The following HECA variants were observed in gnomAD, a reference collection of about 807,000 sequenced individuals.
The protein encoded by HECA is HECA ribonucleoprotein granule regulator.
In HECA, 13 loss-of-function variants were observed where a neutral mutation model predicts 37.6. That is an observed-to-expected ratio of 0.35 (90% CI 0.23 to 0.55). The LOEUF is 0.55. HECA is among the 20% of genes least tolerant of loss of function. HECA has a pLI of 0.90. For synonymous variants in HECA, 307 were observed against 291.5 expected, an observed-to-expected ratio of 1.05 and a Z score of -0.54; for missense variants, 527 against 701.9, an observed-to-expected ratio of 0.75 and a Z score of 2.82.
chr6:139,161,043 G>GGT (rs371379913), intron 1 of HECA, among the ~76,000 whole-genome samples: 2 of 151,868 alleles, frequency 1.3e-5, no homozygotes, highest in Non-Finnish European at 2.9e-5. Context: ...GTGTGTGTGT[G>GGT]GTGTGTGTGT....
chr6:139,142,396 T>C (rs1392153485), intron 1 of HECA, among the ~76,000 whole-genome samples: 1 of 152,210 alleles, frequency 6.6e-6, no homozygotes, highest in Non-Finnish European at 1.5e-5. Flanking sequence ...TCGTGACTTT[T>C]AATACATGCT....
chr6:139,177,191 A>G lies in HECA; in HGVS notation c.*86A>G. 3.0e-6 allele frequency: 2 copies of G among 656,880 alleles called. No homozygotes were observed. The highest frequency in any genetic ancestry group is 1.8e-5 in the African/African-American group (1 of 55,676). The allele number at this position is 656,880 out of a possible 1,614,324, so 40.7% of individuals were successfully genotyped here. On this transcript the variant is annotated 3_prime_UTR_variant, in exon 4 of 4. Transcript: ENST00000367658. The surrounding 1 kb of genome is among the most constrained non-coding windows in gnomAD (Gnocchi z 4.9). ...TATAGGGAAACATTCTGTGACATTA[A>G]TTTCCTTTCTAATTTAAAGGAGAGT... is the stretch of plus-strand genomic sequence containing the variant.
chr6:139,147,906 G>C (rs1298605899), intron 1 of HECA, among the ~76,000 whole-genome samples: 1 of 152,156 alleles, frequency 6.6e-6, no homozygotes, highest in Non-Finnish European at 1.5e-5. Context: ...TCCTACAGAC[G>C]AGGTTTGCCA....
chr6:139,141,082 G>A (rs112729786), intron 1 of HECA, among the ~76,000 whole-genome samples: 1 of 152,064 alleles, frequency 6.6e-6, no homozygotes, highest in South Asian at 2.1e-4. Flanking sequence ...GAGCCAGCGC[G>A]CCCGGCCCTC....
In HECA at chr6:139,178,202, C is replaced by T. The variant is rs1398828241; in HGVS notation, c.*1097C>T. On this transcript the variant is annotated 3_prime_UTR_variant, in exon 4 of 4. Transcript: ENST00000367658. ...ATAGCAGTATGTTTGAAAAATAGAC[C>T]ATTCTAAAAAGCCCATGATACCTTA... 6.6e-6 allele frequency: 1 copy of T among 152,010 alleles called. No individual in the cohort carries two copies. The highest frequency in any genetic ancestry group is 2.4e-5 in the African/African-American group (1 of 41,384). 9.4% of individuals were successfully genotyped at this position (152,010 alleles called of 1,614,324 possible).
intron 1 of HECA, among the ~76,000 whole-genome samples, chr6:139,138,548 T>C (rs764915441): frequency 1.3e-5 from 2 of 152,234 alleles, no homozygotes; most frequent in Non-Finnish European, 2.9e-5. Context: ...TTGTGTCTTG[T>C]AGCTCTTGGG....
At chr6:139,156,236 C>G (rs560111427) in intron 1 of HECA, among the ~76,000 whole-genome samples, 11 of 152,006 alleles carry the variant, frequency 7.2e-5, no homozygotes, top group Non-Finnish European at 1.6e-4. Flanking sequence ...GGGTCTGGCT[C>G]TGTCACACAG....
chr6:139,160,031 C>G (rs3777675), intron 1 of HECA, among the ~76,000 whole-genome samples: 128,121 of 152,216 alleles, frequency 0.84, 54,615 homozygotes, highest in African/African-American at 0.92. Flanking sequence ...ACAGAGTTCT[C>G]AAGTGAGGGC....
At chr6:139,156,858 C>T (rs932324760) in intron 1 of HECA, among the ~76,000 whole-genome samples, 1 of 152,156 alleles carries the variant, frequency 6.6e-6, no homozygotes, top group Admixed American at 6.5e-5. Context: ...GTTACCCATG[C>T]TAGGGAAAGA....
At chr6:139,155,987 C>T (rs1162200730) in intron 1 of HECA, among the ~76,000 whole-genome samples, 1 of 151,966 alleles carries the variant, frequency 6.6e-6, no homozygotes, top group Admixed American at 6.6e-5. Context: ...TGCTTTCTTA[C>T]CCAGTGGCAC....
rs1200712634 is a variant in HECA at position 139,176,693 on chromosome 6, C to A, written c.1468-248C>A. On this transcript the variant is annotated intron_variant, in intron 3 of 3. Transcript: ENST00000367658. The surrounding 1 kb of genome is among the most constrained non-coding windows in gnomAD (Gnocchi z 4.5). ...GGGGTTTCTTATTGTTAGGGAACTT[C>A]AGTGGAGAGCATTTAGGCAGTAGTA... 2.0e-5 allele frequency among the ~76,000 whole-genome samples: 3 copies of A among 152,122 alleles called. No homozygotes were observed. The highest frequency in any genetic ancestry group is 4.4e-5 in the Non-Finnish European group (3 of 68,030).
chr6:139,149,387 G>A (rs1363866609), intron 1 of HECA, among the ~76,000 whole-genome samples: 1 of 152,198 alleles, frequency 6.6e-6, no homozygotes, highest in Non-Finnish European at 1.5e-5. Context: ...TTTGTGACGA[G>A]CTCTTTTTCA....
At chr6:139,173,159 A>G (rs1220733951) in intron 2 of HECA, among the ~76,000 whole-genome samples, 1 of 152,136 alleles carries the variant, frequency 6.6e-6, no homozygotes, top group Non-Finnish European at 1.5e-5. Flanking sequence ...TTTTATTTTC[A>G]ATGCCGTAGA....
rs1314737012 is a variant in HECA at position 139,135,251 on chromosome 6, G to A, written c.-146G>A. 1.7e-6 allele frequency: 1 copy of A among 597,938 alleles called. No homozygotes were observed. Among genetic ancestry groups the A allele is most frequent in the Non-Finnish European group, 2.2e-6 (1 of 452,312 alleles). 37.0% of individuals were successfully genotyped at this position (597,938 alleles called of 1,614,324 possible). ...CGGCCAGGATGGCGCGGCACGGGCC[G>A]TGCGGCTAGACGGGAGCCGAGGGAA... On this transcript the variant is annotated 5_prime_UTR_variant, in exon 1 of 4. In the 5' UTR this introduces an upstream ATG that the reference lacks. Transcript: ENST00000367658.
intron 2 of HECA, chr6:139,169,659 C>T (rs924306682): frequency 1.3e-5 from 2 of 152,180 alleles, no homozygotes; most frequent in Non-Finnish European, 2.9e-5. Flanking sequence ...GGGCCTCAGC[C>T]GGAATGGCTT....
chr6:139,164,162 C>G (rs904519092), intron 1 of HECA, among the ~76,000 whole-genome samples: 2 of 152,168 alleles, frequency 1.3e-5, no homozygotes, highest in Non-Finnish European at 2.9e-5. Flanking sequence ...CCACAGCACC[C>G]TCCCTCTGGC....
intron 1 of HECA, among the ~76,000 whole-genome samples, chr6:139,144,774 G>A (rs939542065): frequency 1.3e-5 from 2 of 152,216 alleles, no homozygotes; most frequent in Non-Finnish European, 2.9e-5. Flanking sequence ...CTCAATTGTG[G>A]TTTTTCAATG....
intron 1 of HECA, among the ~76,000 whole-genome samples, chr6:139,159,508 G>A (rs1774766929): frequency 6.6e-6 from 1 of 152,134 alleles, no homozygotes; most frequent in Non-Finnish European, 1.5e-5. Flanking sequence ...TAGCAGGAAT[G>A]ATGTTAGTTT....
intron 1 of HECA, among the ~76,000 whole-genome samples, 163 bp downstream of exon 1, chr6:139,135,830 C>A (rs1209751391): frequency 6.6e-6 from 1 of 151,482 alleles, no homozygotes; most frequent in Non-Finnish European, 1.5e-5. Context: ...GGTCCCCACG[C>A]CTGGCGGCGG....
Sources: allele counts gnomAD v4.1 joint callset (sites outside exome capture counted in the v4.1 genomes callset), GRCh38; gene constraint gnomAD v4.1.1; non-coding constraint Gnocchi (gnomAD v3.1); transcripts MANE v1.5; gene names NCBI Gene and HGNC (gene_info 2026-07-23, HGNC 2026-07-21).